Variants in NUDT4 observed in about 807,000 individuals in gnomAD.
NUDT4 encodes nudix hydrolase 4.
In NUDT4, 5 loss-of-function variants were observed where a neutral mutation model predicts 23.1. The ratio of observed to expected loss-of-function variants is 0.22; its 90% CI spans 0.11 to 0.46. The LOEUF is 0.46. NUDT4 is among the 20% of genes least tolerant of loss of function. The pLI is 0.99. For synonymous variants in NUDT4, 50 were observed against 79.0 expected (o/e 0.63, Z 1.95); for missense variants, 96 against 211.6 (o/e 0.45, Z 3.39).
At chr12:93,381,461 A>G (rs1435944418) in intron 1 of NUDT4, among the ~76,000 whole-genome samples, 1 of 152,222 alleles carries the variant, frequency 6.6e-6, no homozygotes, top group Non-Finnish European at 1.5e-5. Context: ...GTATTTGCAT[A>G]TATGATAGTT....
At chr12:93,384,204 T>C (rs1875899852) in intron 1 of NUDT4, among the ~76,000 whole-genome samples, 1 of 151,932 alleles carries the variant, frequency 6.6e-6, no homozygotes, top group African/African-American at 2.4e-5. Context: ...TTTCTCGCTC[T>C]GTCACCAGGC....
In NUDT4 at chr12:93,398,484, A is replaced by T. The variant is rs187390131; in HGVS notation, c.256-287A>T. 4.7e-3 allele frequency among the ~76,000 whole-genome samples: 708 copies of T among 152,176 alleles called. 2 individuals are homozygous for T. The highest frequency in any genetic ancestry group is 6.4e-3 in the Non-Finnish European group (434 of 68,020). ...GAGGTTCCCTTGAGGGCAGGAGTGG[A>T]CCAGCCTGGGCAACATCTCCAGACT... is the stretch of plus-strand genomic sequence containing the variant. On this transcript the variant is annotated intron_variant, in intron 3 of 4. Coordinates refer to ENST00000415493, the MANE Select transcript of NUDT4 (RefSeq NM_019094.6).
rs1395262899 is a variant in NUDT4 at position 93,407,389 on chromosome 12, CCAA to C, written c.*8015_*8017del. Reference sequence around the variant, plus strand: ...CCATTCACTCACCACCTAATCATCCCCAACAACTAGTGGGCAAACATGAAACAC... The same window carrying C: ...CCATTCACTCACCACCTAATCATCCCCAACTAGTGGGCAAACATGAAACAC... On this transcript the variant is annotated 3_prime_UTR_variant, in exon 5 of 5. Coordinates refer to ENST00000415493, the MANE Select transcript of NUDT4 (RefSeq NM_019094.6). 1.3e-5 allele frequency: 2 copies of C among 152,234 alleles called. No individual in the cohort carries two copies. The highest frequency in any genetic ancestry group is 1.5e-5 in the Non-Finnish European group (1 of 68,068). 9.4% of individuals were successfully genotyped at this position (152,234 alleles called of 1,614,324 possible). A position where few individuals can be genotyped will look rare whatever the true frequency, so the allele number is the denominator to read the frequency against.
chr12:93,384,629 G>A (rs1015341641), intron 1 of NUDT4, among the ~76,000 whole-genome samples: 10 of 152,302 alleles, frequency 6.6e-5, no homozygotes, highest in South Asian at 4.1e-4. Flanking sequence ...GTGTTTGGCT[G>A]CATTCAAAAC....
rs189274548 is a variant in NUDT4, at chr12:93,386,274, A to G, written c.99+7853A>G. On this transcript the variant is annotated intron_variant, in intron 1 of 4. Coordinates refer to ENST00000415493, the MANE Select transcript of NUDT4 (RefSeq NM_019094.6). ...GGGTGTGAGCCATTGTGCCTGGCCT[A>G]TAGAAGATATTAATAGTTCAGGCTG... Among the ~76,000 whole-genome samples, 651 of 152,046 alleles carry G rather than the reference A, an allele frequency of 4.3e-3. 5 individuals carry two copies. The highest frequency in any genetic ancestry group is 0.015 in the African/African-American group (630 of 41,508).
intron 1 of NUDT4, among the ~76,000 whole-genome samples, chr12:93,379,166 A>G (rs1200989929): frequency 6.6e-6 from 1 of 152,148 alleles, no homozygotes; most frequent in Non-Finnish European, 1.5e-5. Flanking sequence ...TGACATCTGG[A>G]AAGGAGTAGC....
chr12:93,378,526 A>T (rs1016490234), intron 1 of NUDT4, 105 bp downstream of exon 1: 20 of 1,296,288 alleles, frequency 1.5e-5, no homozygotes, highest in African/African-American at 3.1e-5. Flanking sequence ...GCTGGGAGGG[A>T]TTAGCCCCCT....
chr12:93,405,615 T>A lies in NUDT4; in HGVS notation c.*6236T>A, dbSNP rs1877765819. 1 of 152,246 alleles carries A rather than the reference T, an allele frequency of 6.6e-6. No homozygotes were observed. The highest frequency in any genetic ancestry group is 2.4e-5 in the African/African-American group (1 of 41,450). 9.4% of individuals were successfully genotyped at this position (152,246 alleles called of 1,614,324 possible). A position where few individuals can be genotyped will look rare whatever the true frequency, so the allele number is the denominator to read the frequency against. On this transcript the variant is annotated 3_prime_UTR_variant, in exon 5 of 5. Transcript: ENST00000415493. ...AGCCAACTCTTGGAATATACCTGAC[T>A]TCCACGATAAAATGGAGATGAGTGC...
Position 93,402,013 on chromosome 12 carries a change from ATAAG to A in NUDT4, c.*2637_*2640del, listed in dbSNP as rs1439160467. Reference sequence around the variant, plus strand: ...GTGCCTCCCAAATAAAAAACAGAAAATAAGTAGTTTTTGTGAATTGACTTGCAGA... The same window carrying A: ...GTGCCTCCCAAATAAAAAACAGAAAATAGTTTTTGTGAATTGACTTGCAGA... On this transcript the variant is annotated 3_prime_UTR_variant, in exon 5 of 5. Coordinates refer to ENST00000415493, the MANE Select transcript of NUDT4 (RefSeq NM_019094.6). 7.0e-6 allele frequency: 1 copy of A among 141,948 alleles called. No individual in the cohort carries two copies. Among genetic ancestry groups the A allele is most frequent in the Non-Finnish European group, 1.5e-5 (1 of 65,088 alleles). 8.8% of individuals were successfully genotyped at this position (141,948 alleles called of 1,614,324 possible). A position where few individuals can be genotyped will look rare whatever the true frequency, so the allele number is the denominator to read the frequency against.
At chr12:93,382,551 ACAGT>A (rs1212141667) in intron 1 of NUDT4, among the ~76,000 whole-genome samples, 7 of 152,152 alleles carry the variant, frequency 4.6e-5, no homozygotes, top group Non-Finnish European at 1.0e-4. Context: ...CTTAGAATCA[ACAGT>A]CAGTCCACCC....
At chr12:93,378,907 GCTTGGAATTGAGTCTAGT>G in intron 1 of NUDT4, 1 of 492,074 alleles carries the variant, frequency 2.0e-6, no homozygotes. Context: ...CAGTCCTCGT[GCTTGGAATTGAGTCTAGT>G]CTTGGCAATT....
chr12:93,399,028 A>G (rs1039725437), intron 4 of NUDT4, 149 bp from the exon 5 acceptor site: 7 of 718,380 alleles, frequency 9.7e-6, no homozygotes, highest in African/African-American at 5.4e-5. Flanking sequence ...AGCAGGGAAG[A>G]TAATTCAAAT....
chr12:93,382,623 C>A (rs1184571593), intron 1 of NUDT4, among the ~76,000 whole-genome samples: 1 of 149,414 alleles, frequency 6.7e-6, no homozygotes, highest in African/African-American at 2.5e-5. Context: ...GAAGGTATTT[C>A]TTTCAAATGG....
rs1342081156 is a variant in NUDT4 at position 93,399,337 on chromosome 12, A to C, written c.501A>C (p.Val167=). Residue 167 remains valine, a synonymous_variant, in exon 5 of 5, where the codon GTA becomes GTC. Transcript: ENST00000415493. Reference sequence around the variant, plus strand: ...TTCCGGATAATAATGCCTTGTTTGTAACCGCTGCACAGACCTCTGGGTTGC... The same window carrying C: ...TTCCGGATAATAATGCCTTGTTTGTCACCGCTGCACAGACCTCTGGGTTGC... ...PSLPDNNALF[V]TAAQTSGLPS... is the part of the protein sequence containing the mutation. 1.0e-6 allele frequency: 1 copy of C among 978,684 alleles called. No individual in the cohort carries two copies. The highest frequency in any genetic ancestry group is 1.6e-6 in the Non-Finnish European group (1 of 625,968). 60.6% of individuals were successfully genotyped at this position (978,684 alleles called of 1,614,324 possible). A position where few individuals can be genotyped will look rare whatever the true frequency, so the allele number is the denominator to read the frequency against.
chr12:93,388,888 G>A (rs1004788349), intron 1 of NUDT4, among the ~76,000 whole-genome samples: 3 of 152,148 alleles, frequency 2.0e-5, no homozygotes, highest in Admixed American at 1.3e-4. Context: ...TATGATGCTA[G>A]TGGTGACTGT....
chr12:93,402,946 T>C lies in NUDT4; in HGVS notation c.*3567T>C, dbSNP rs534951246. On this transcript the variant is annotated 3_prime_UTR_variant, in exon 5 of 5. Coordinates refer to ENST00000415493, the MANE Select transcript of NUDT4 (RefSeq NM_019094.6). ...GTGTCACTTCATTTTTTATTAGGGG[T>C]TTCTTAGTTGGAGGGCATGAGAAAC... 5 of 152,304 alleles carry C rather than the reference T, an allele frequency of 3.3e-5. No individual in the cohort carries two copies. Among genetic ancestry groups the C allele is most frequent in the Non-Finnish European group, 7.4e-5 (5 of 68,024 alleles). 9.4% of individuals were successfully genotyped at this position (152,304 alleles called of 1,614,324 possible). A position where few individuals can be genotyped will look rare whatever the true frequency, so the allele number is the denominator to read the frequency against.
At chr12:93,396,088 T>G (rs1453639602) in intron 3 of NUDT4, among the ~76,000 whole-genome samples, 2 of 152,216 alleles carry the variant, frequency 1.3e-5, no homozygotes, top group African/African-American at 4.8e-5. Flanking sequence ...GAGCTGATAC[T>G]GAAATGTTTA....
intron 1 of NUDT4, among the ~76,000 whole-genome samples, chr12:93,389,146 A>AT (rs1254957152): frequency 6.6e-6 from 1 of 152,068 alleles, no homozygotes; most frequent in Non-Finnish European, 1.5e-5. Context: ...ACCATAGATA[A>AT]TTACTCATTT....
At chr12:93,385,939 TTTTATATATA>T (rs1876036066) in intron 1 of NUDT4, among the ~76,000 whole-genome samples, 6 of 55,168 alleles carry the variant, frequency 1.1e-4, no homozygotes, top group Admixed American at 5.1e-4. Context: ...TAGTAAATCT[TTTTATATATA>T]TATATATATA....
Sources: gnomAD v4.1 joint callset for allele counts (sites outside exome capture counted in the v4.1 genomes callset) on GRCh38, gnomAD v4.1.1 for gene constraint, MANE v1.5 for transcripts, NCBI Gene and HGNC (gene_info 2026-07-23, HGNC 2026-07-21) for gene names.